The following TMEM182 variants were observed in gnomAD, a reference collection of about 807,000 sequenced individuals.
The protein encoded by TMEM182 is transmembrane protein 182.
A neutral mutation model predicts 26.8 loss-of-function variants in TMEM182; 20 were observed. The observed-to-expected ratio is 0.75, with a 90% CI of 0.53 to 1.09. TMEM182 has a LOEUF of 1.09. TMEM182 is among the 50% of genes least tolerant of loss of function. The probability of loss-of-function intolerance (pLI) is 0.00; values close to 1 mark genes in which losing one functional copy is unlikely to be tolerated. For missense variants in TMEM182, 277 were observed against 275.5 expected, an observed-to-expected ratio of 1.01 and a Z score of -0.04; for synonymous variants, 109 against 102.2, an observed-to-expected ratio of 1.07 and a Z score of -0.40.
intron 3 of TMEM182, among the ~76,000 whole-genome samples, chr2:102,790,851 G>A (rs1681606194): frequency 6.6e-6 from 1 of 152,116 alleles, no homozygotes; most frequent in South Asian, 2.1e-4. Flanking sequence ...TCAGGAACAT[G>A]GATTTACATT....
chr2:102,737,411 C>A (rs78991270), intron 1 of TMEM182, among the ~76,000 whole-genome samples: 5,431 of 151,938 alleles, frequency 0.036, 144 homozygotes, highest in Middle Eastern at 0.071. Flanking sequence ...ATAATAAGCA[C>A]GCAGTAAATA....
chr2:102,803,439 A>G (rs1440394738), intron 4 of TMEM182, among the ~76,000 whole-genome samples: 1 of 152,182 alleles, frequency 6.6e-6, no homozygotes, highest in Admixed American at 6.6e-5. Context: ...TATAAAGGGA[A>G]TAGGAAGTTC....
intron 3 of TMEM182, among the ~76,000 whole-genome samples, chr2:102,792,997 G>A (rs770340671): frequency 4.6e-5 from 7 of 150,548 alleles, no homozygotes; most frequent in East Asian, 1.9e-4. Flanking sequence ...TCCACTGCCC[G>A]CTGCCTTGAC....
chr2:102,803,666 A>G (rs1385993338), intron 4 of TMEM182, among the ~76,000 whole-genome samples: 2 of 152,258 alleles, frequency 1.3e-5, no homozygotes, highest in Non-Finnish European at 2.9e-5. Flanking sequence ...ACCAAGCAAC[A>G]TAGTTCAGGT....
At chr2:102,783,353 A>G (rs1573529179) in intron 3 of TMEM182, among the ~76,000 whole-genome samples, 1 of 152,332 alleles carries the variant, frequency 6.6e-6, no homozygotes. Context: ...AATATTGACA[A>G]TCTACATGCT....
rs540270996 is a variant in TMEM182, at chr2:102,773,455, T to C, written c.331+9028T>C. Reference sequence around the variant, plus strand: ...GAAAGCGAGGGAGCGAGCCATGCAATGAGAAGAAGGGTGTTCAAGACAGAG... The same window carrying C: ...GAAAGCGAGGGAGCGAGCCATGCAACGAGAAGAAGGGTGTTCAAGACAGAG... On this transcript the variant is annotated intron_variant, in intron 3 of 4. Coordinates refer to ENST00000412401, the MANE Select transcript of TMEM182 (RefSeq NM_144632.5). Among the ~76,000 whole-genome samples, 4 of 151,278 alleles carry C rather than the reference T, an allele frequency of 2.6e-5. No individual in the cohort carries two copies. In the South Asian group the frequency reaches 8.4e-4, roughly 32 times the overall value.
chr2:102,837,129 G>A (rs540169726), intron 3 of TMEM182, among the ~76,000 whole-genome samples: 1 of 152,120 alleles, frequency 6.6e-6, no homozygotes, highest in East Asian at 1.9e-4. Context: ...GATACCCTGT[G>A]GTGTTTCTAA....
At chr2:102,823,713 A>G (rs184614663) in intron 3 of TMEM182, among the ~76,000 whole-genome samples, 1 of 152,330 alleles carries the variant, frequency 6.6e-6, no homozygotes, top group African/African-American at 2.4e-5. Flanking sequence ...GCTTACATTA[A>G]CTTTTAAAGG....
At chr2:102,803,528 A>G (rs762041480) in intron 4 of TMEM182, among the ~76,000 whole-genome samples, 5 of 152,240 alleles carry the variant, frequency 3.3e-5, no homozygotes, top group Admixed American at 6.5e-5. Context: ...CAAAAGATCA[A>G]AAGAAATGGC....
At chr2:102,743,743 CAT>C (rs1034713781) in intron 1 of TMEM182, among the ~76,000 whole-genome samples, 3 of 152,098 alleles carry the variant, frequency 2.0e-5, no homozygotes, top group East Asian at 1.9e-4. Context: ...AAATATAAAA[CAT>C]ATTAAAAATA....
downstream of TMEM182, among the ~76,000 whole-genome samples, chr2:102,822,568 C>T (rs1383798794): frequency 6.6e-6 from 1 of 151,996 alleles, no homozygotes; most frequent in Non-Finnish European, 1.5e-5. Flanking sequence ...AAAGAGTTAA[C>T]AGGAGGTAAG....
intron 4 of TMEM182, among the ~76,000 whole-genome samples, chr2:102,801,176 A>G (rs1434754110): frequency 6.6e-6 from 1 of 152,114 alleles, no homozygotes; most frequent in East Asian, 1.9e-4. Flanking sequence ...AAGCCATGAA[A>G]CTAGGTGATT....
At chr2:102,746,035 C>T (rs1292994918) in intron 1 of TMEM182, among the ~76,000 whole-genome samples, 1 of 152,212 alleles carries the variant, frequency 6.6e-6, no homozygotes, top group African/African-American at 2.4e-5. Context: ...ATAGTGACTA[C>T]ACCAATTTAC....
intron 3 of TMEM182, among the ~76,000 whole-genome samples, chr2:102,824,238 G>C (rs1256970958): frequency 6.6e-6 from 1 of 152,126 alleles, no homozygotes; most frequent in African/African-American, 2.4e-5. Context: ...TGCGGTTTTT[G>C]ACTGATCTTC....
intron 3 of TMEM182, among the ~76,000 whole-genome samples, chr2:102,825,466 A>G (rs1683015469): frequency 6.6e-6 from 1 of 152,170 alleles, no homozygotes; most frequent in South Asian, 2.1e-4. Context: ...AGTATTATTG[A>G]GACTCTTTGA....
intron 3 of TMEM182, among the ~76,000 whole-genome samples, chr2:102,829,842 C>T (rs760493986): frequency 3.9e-5 from 6 of 152,108 alleles, no homozygotes; most frequent in Non-Finnish European, 5.9e-5. Flanking sequence ...TTTGCTTGAC[C>T]ACTCTCCTCC....
chr2:102,840,293 G>A (rs1683324713), intron 3 of TMEM182, among the ~76,000 whole-genome samples: 1 of 152,180 alleles, frequency 6.6e-6, no homozygotes, highest in Non-Finnish European at 1.5e-5. Context: ...GGGAAAAGGT[G>A]TGTGCCTAAG....
intron 3 of TMEM182, among the ~76,000 whole-genome samples, chr2:102,794,694 A>G (rs549450986): frequency 1.3e-5 from 2 of 152,240 alleles, no homozygotes; most frequent in African/African-American, 4.8e-5. Flanking sequence ...GTTTTATGTA[A>G]TGATTTTTTC....
chr2:102,779,545 A>G (rs1681070514), intron 3 of TMEM182, among the ~76,000 whole-genome samples: 2 of 152,204 alleles, frequency 1.3e-5, no homozygotes, highest in Admixed American at 6.5e-5. Context: ...TTTAGATTGG[A>G]TAATTCTCAT....
Sources: allele counts gnomAD v4.1 joint callset (sites outside exome capture counted in the v4.1 genomes callset), GRCh38; gene constraint gnomAD v4.1.1; transcripts MANE v1.5; gene names NCBI Gene and HGNC (gene_info 2026-07-23, HGNC 2026-07-21).